The following DCDC1 variants were observed in gnomAD, a reference collection of about 807,000 sequenced individuals.
DCDC1 encodes the protein doublecortin domain-containing protein 1.
In DCDC1, 200 loss-of-function variants were observed where a neutral mutation model predicts 178.3. The ratio of observed to expected loss-of-function variants is 1.12; its 90% CI spans 1.00 to 1.26. The LOEUF is 1.26. Ranked by LOEUF, DCDC1 falls within the 50% of genes most tolerant of loss-of-function variation. The pLI, the probability that DCDC1 is intolerant of heterozygous loss-of-function variation, is 0.00. For synonymous variants in DCDC1, 690 were observed against 604.8 expected (o/e 1.14, Z -2.07); for missense variants, 1,983 against 1,749.2 (o/e 1.13, Z -2.38).
At chr11:31,342,047 A>C (rs1950579482) in intron 1 of DCDC1, among the ~76,000 whole-genome samples, 1 of 152,174 alleles carries the variant, frequency 6.6e-6, no homozygotes, top group South Asian at 2.1e-4. Context: ...TGGCAGCACC[A>C]CCAATAGTAC....
intron 25 of DCDC1, among the ~76,000 whole-genome samples, chr11:30,917,416 C>T (rs1006341178): frequency 6.6e-6 from 1 of 152,134 alleles, no homozygotes; most frequent in African/African-American, 2.4e-5. Flanking sequence ...TGGAACAGTA[C>T]AGCCTAGATT....
At chr11:31,336,607 T>G (rs1291454668) in intron 1 of DCDC1, among the ~76,000 whole-genome samples, 1 of 152,226 alleles carries the variant, frequency 6.6e-6, no homozygotes, top group African/African-American at 2.4e-5. Context: ...TCCTAATGTG[T>G]CCATATGTTA....
Position 31,250,421 on chromosome 11 carries a change from C to CATATATATATATATATATACATATATAT in DCDC1, c.1055-8806_1055-8805insATATATATGTATATATATATATATATAT. ...ACACACACACACACACACACATATA[C>CATATATATATATATATATACATATATAT]ATATATATGTATATATATATATATC... is the stretch of plus-strand genomic sequence containing the variant. On this transcript the variant is annotated intron_variant, in intron 8 of 38. Transcript: ENST00000684477. 1.7e-4 allele frequency among the ~76,000 whole-genome samples: 9 copies of CATATATATATATATATATACATATATAT among 52,958 alleles called. 1 individual carries two copies. Among genetic ancestry groups the CATATATATATATATATATACATATATAT allele is most frequent in the South Asian group, 1.7e-3 (2 of 1,148 alleles). The allele number at this position is 52,958 out of a possible 152,430, so 34.7% of individuals were successfully genotyped here.
intron 20 of DCDC1, among the ~76,000 whole-genome samples, chr11:30,982,360 T>C (rs961528809): frequency 1.3e-5 from 2 of 152,240 alleles, no homozygotes; most frequent in African/African-American, 4.8e-5. Context: ...ATTAAGTTAG[T>C]ATACAGTATC....
intron 20 of DCDC1, among the ~76,000 whole-genome samples, chr11:30,961,023 C>A (rs1479121335): frequency 6.6e-6 from 1 of 152,002 alleles, no homozygotes; most frequent in Non-Finnish European, 1.5e-5. Flanking sequence ...TCTCCTCTCT[C>A]AAAAACAAAA....
At chr11:31,313,749 T>C (rs1379357796) in intron 3 of DCDC1, among the ~76,000 whole-genome samples, 1 of 152,138 alleles carries the variant, frequency 6.6e-6, no homozygotes, top group Admixed American at 6.5e-5. Context: ...TATAGTTCCT[T>C]TGCATGTGAA....
chr11:31,300,140 G>C (rs1243578778), intron 6 of DCDC1, among the ~76,000 whole-genome samples: 3 of 152,198 alleles, frequency 2.0e-5, no homozygotes, highest in Non-Finnish European at 4.4e-5. Context: ...ACAGGCGAGA[G>C]CCACCACACC....
chr11:30,893,126 A>G (rs1239464612), intron 35 of DCDC1, 129 bp from the exon 36 acceptor site: 1 of 947,468 alleles, frequency 1.1e-6, no homozygotes, highest in African/African-American at 1.7e-5. Context: ...GGAAGTAACT[A>G]TTAAGTACAT....
chr11:31,310,107 G>C (rs941105175), intron 3 of DCDC1, among the ~76,000 whole-genome samples: 3 of 151,610 alleles, frequency 2.0e-5, no homozygotes, highest in Non-Finnish European at 4.4e-5. Flanking sequence ...CCCAGTGAAT[G>C]GTAAAAATAA....
chr11:31,161,416 C>T (rs1401400827), intron 9 of DCDC1, among the ~76,000 whole-genome samples: 3 of 152,140 alleles, frequency 2.0e-5, no homozygotes, highest in Non-Finnish European at 4.4e-5. Flanking sequence ...CTTTACCCAT[C>T]ACCTTTTAGT....
intron 10 of DCDC1, among the ~76,000 whole-genome samples, chr11:31,136,543 CATA>C (rs1221827822): frequency 3.3e-5 from 5 of 151,994 alleles, no homozygotes; most frequent in African/African-American, 4.8e-5. Flanking sequence ...AAGATGAAAT[CATA>C]ATAAGAAATA....
chr11:31,237,938 TG>T (rs1226713670), intron 9 of DCDC1, among the ~76,000 whole-genome samples: 1 of 152,070 alleles, frequency 6.6e-6, no homozygotes, highest in Non-Finnish European at 1.5e-5. Flanking sequence ...CTAATTAAGA[TG>T]GTGCTTACCA....
rs1394625746 is a variant in DCDC1 at position 30,903,506 on chromosome 11, G to A, written c.4486C>T (p.Gln1496Ter). ...CCTTCCATACTTTCAACAATTATCT[G>A]TTCTTTTCCAACAGGAGCTGCATCT... ...KQDAAPVGKEQIIVESMEENP... is the reference protein window; with the variant it reads ...KQDAAPVGKE Residue 1496 changes from glutamine to a stop codon, truncating the protein, a stop_gained, in exon 32 of 39, where the codon CAG becomes TAG. Transcript: ENST00000684477. LOFTEE classifies it high-confidence loss of function. The A allele has an allele frequency of 6.3e-7, 1 of 1,599,384 alleles. No homozygotes were observed. Among genetic ancestry groups the A allele is most frequent in the East Asian group, 2.2e-5 (1 of 44,608 alleles).
At position 30,905,120 on chromosome 11, in the gene DCDC1, G is replaced by A. The variant is rs776722447; in HGVS notation, c.4149C>T (p.Tyr1383=). 2 of 1,612,148 alleles carry A rather than the reference G, an allele frequency of 1.2e-6. No individual in the cohort carries two copies. The highest frequency in any genetic ancestry group is 2.2e-5 in the South Asian group (2 of 90,960). The part of the protein sequence containing the change: ...CDKAEKTLSY[Y]QARLLSLRMK... ...TCCGTAAAGACAATAGACGTGCTTG[G>A]TAGTAACTTAGAGTTTTTTCAGCCT... The change falls in exon 31 of 39, where the codon TAC becomes TAT. Residue 1383 remains tyrosine, a synonymous_variant. Coordinates refer to ENST00000684477, the MANE Select transcript of DCDC1 (RefSeq NM_001387274.1).
chr11:30,945,350 C>A (rs1028480151), intron 21 of DCDC1, among the ~76,000 whole-genome samples: 2 of 151,940 alleles, frequency 1.3e-5, no homozygotes, highest in African/African-American at 4.8e-5. Context: ...TCACTTAAAT[C>A]AATTAATTAA....
At chr11:31,267,351 C>T (rs535901006) in intron 7 of DCDC1, among the ~76,000 whole-genome samples, 21 of 152,102 alleles carry the variant, frequency 1.4e-4, no homozygotes, top group African/African-American at 3.9e-4. Flanking sequence ...CCACCACGCC[C>T]GGCTAATTTT....
Position 30,881,206 on chromosome 11 carries a change from C to G in DCDC1, c.5185G>C (p.Asp1729His). The change falls in exon 37 of 39, where the codon GAT becomes CAT. Residue 1729 changes from aspartate (D) to histidine (H), a missense_variant. Coordinates refer to ENST00000684477, the MANE Select transcript of DCDC1 (RefSeq NM_001387274.1). Reference sequence around the variant, plus strand: ...CCCATAGACACACAGATGACCATATCTCGCTCTATGTCGTCCCAGGACTGA... The same window carrying G: ...CCCATAGACACACAGATGACCATATGTCGCTCTATGTCGTCCCAGGACTGA... ...PIQSWDDIER[D>H]MVICVSMGHG... The G allele has an allele frequency of 1.2e-6, 2 of 1,613,548 alleles. No individual in the cohort carries two copies. Among genetic ancestry groups the G allele is most frequent in the Non-Finnish European group, 1.7e-6 (2 of 1,179,616 alleles).
chr11:30,903,751 T>A, intron 31 of DCDC1, 68 bp from the exon 32 acceptor site: 1 of 1,276,974 alleles, frequency 7.8e-7, no homozygotes, highest in East Asian at 2.7e-5. Context: ...CATTAAGAGC[T>A]TGTCATTCTA....
At chr11:31,134,416 C>T (rs1962868662) in intron 10 of DCDC1, among the ~76,000 whole-genome samples, 1 of 152,194 alleles carries the variant, frequency 6.6e-6, no homozygotes, top group Non-Finnish European at 1.5e-5. Context: ...CCTCTGATGG[C>T]CAAGTTTGGC....
Sources: gnomAD v4.1 joint callset for allele counts (sites outside exome capture counted in the v4.1 genomes callset) on GRCh38, gnomAD v4.1.1 for gene constraint, MANE v1.5 for transcripts, NCBI Gene and HGNC (gene_info 2026-07-23, HGNC 2026-07-21) for gene names.